Variants in PDXDC1 observed in about 807,000 individuals in gnomAD.
The protein encoded by PDXDC1 is pyridoxal dependent decarboxylase domain containing 1.
Under a neutral mutation model 100.1 loss-of-function variants are expected in PDXDC1, and 42 were observed. The ratio of observed to expected loss-of-function variants is 0.42; its 90% CI spans 0.33 to 0.54. The LOEUF is 0.54. Among genes scored for constraint, PDXDC1 ranks in the 20% least tolerant of loss-of-function variants. The pLI, the probability that PDXDC1 is intolerant of heterozygous loss-of-function variation, is 0.10. For synonymous variants in PDXDC1, 260 were observed against 371.7 expected (o/e 0.70, Z 3.46); for missense variants, 636 against 979.2 (o/e 0.65, Z 4.68).
chr16:15,086,932 G>T (rs1245010013), intron 16 of PDXDC1, among the ~76,000 whole-genome samples: 1 of 152,144 alleles, frequency 6.6e-6, no homozygotes, highest in Non-Finnish European at 1.5e-5. Flanking sequence ...ACCTGTGGCT[G>T]AGTTTAAATA....
At chr16:15,098,172 G>A (rs1345613786) in intron 16 of PDXDC1, among the ~76,000 whole-genome samples, 1 of 147,548 alleles carries the variant, frequency 6.8e-6, no homozygotes, top group Non-Finnish European at 1.5e-5. Flanking sequence ...TTTTAGGAAA[G>A]GAGAAAGGAA....
intron 16 of PDXDC1, among the ~76,000 whole-genome samples, chr16:15,085,177 A>G (rs1056236572): frequency 2.6e-5 from 4 of 152,398 alleles, no homozygotes; most frequent in African/African-American, 9.6e-5. Context: ...CACCAGCATC[A>G]ACGAAAATTA....
rs761656001 is a variant in PDXDC1, at chr16:15,131,086, C to T, written c.1400-7793C>T. On this transcript the variant is annotated intron_variant, in intron 16 of 16. Coordinates refer to the PDXDC1 transcript ENST00000535621. ...GCGTGTGCCTCACCCGCTGCACGCA[C>T]CGTCCAGCAGCGTATAGTTGAGCTG... The T allele has an allele frequency of 4.4e-6, 7 of 1,606,152 alleles. No individual in the cohort carries two copies. The East Asian group carries it at 1.3e-4, about 31-fold the overall frequency.
chr16:15,109,572 G>A (rs2046946785), intron 16 of PDXDC1, among the ~76,000 whole-genome samples: 2 of 133,240 alleles, frequency 1.5e-5, no homozygotes, highest in African/African-American at 2.8e-5. Flanking sequence ...GATAAGAATC[G>A]TTTGAACCTG....
At chr16:15,070,338 C>A (rs1363680022) in intron 16 of PDXDC1, 1 of 1,324,568 alleles carries the variant, frequency 7.5e-7, no homozygotes, top group Non-Finnish European at 1.0e-6. Context: ...CCTTTCATTA[C>A]AAACCATGCT....
At chr16:15,011,593 G>C (rs1424372788) in intron 8 of PDXDC1, among the ~76,000 whole-genome samples, 1 of 149,454 alleles carries the variant, frequency 6.7e-6, no homozygotes, top group African/African-American at 2.5e-5. Flanking sequence ...TGAAAGGCAA[G>C]TTACAGACTG....
At chr16:15,093,960 G>A (rs1381323602) in intron 16 of PDXDC1, 1 of 624,696 alleles carries the variant, frequency 1.6e-6, no homozygotes, top group Non-Finnish European at 2.9e-6. Flanking sequence ...ACTTTTCCAG[G>A]CCCCACCCAT....
chr16:15,074,833 G>A (rs1196611169), intron 16 of PDXDC1: 1 of 1,612,016 alleles, frequency 6.2e-7, no homozygotes, highest in Non-Finnish European at 8.5e-7. Context: ...ACCAGCCTTT[G>A]TTTCATGTTC....
At chr16:15,072,612 G>C (rs952000708) in intron 16 of PDXDC1, among the ~76,000 whole-genome samples, 2 of 152,064 alleles carry the variant, frequency 1.3e-5, no homozygotes, top group African/African-American at 4.8e-5. Flanking sequence ...AGACCAGTAT[G>C]GCCAACGTGG....
chr16:15,018,130 GT>G (rs1218264228), intron 11 of PDXDC1, among the ~76,000 whole-genome samples: 1 of 151,778 alleles, frequency 6.6e-6, no homozygotes, highest in Non-Finnish European at 1.5e-5. Flanking sequence ...GCCAGGCATG[GT>G]GGCTCATGCC....
chr16:15,079,989 A>G (rs2045630194), intron 16 of PDXDC1: 8 of 1,583,806 alleles, frequency 5.1e-6, no homozygotes, highest in South Asian at 1.2e-5. Flanking sequence ...TAGATTACTC[A>G]ATACTTACAT....
At chr16:15,074,415 A>C (rs571492132) in intron 16 of PDXDC1, among the ~76,000 whole-genome samples, 3 of 152,194 alleles carry the variant, frequency 2.0e-5, no homozygotes, top group African/African-American at 7.2e-5. Flanking sequence ...TGCACCCTAC[A>C]TCATTCTTCA....
intron 1 of PDXDC1, among the ~76,000 whole-genome samples, chr16:14,995,713 A>G (rs1163873161): frequency 9.8e-5 from 15 of 152,288 alleles, no homozygotes; most frequent in Admixed American, 6.5e-4. Context: ...TTCAGAAGGA[A>G]TGGTACCAGC....
At chr16:15,023,601 G>A (rs1331586854) in intron 13 of PDXDC1, among the ~76,000 whole-genome samples, 4 of 152,290 alleles carry the variant, frequency 2.6e-5, no homozygotes, top group African/African-American at 9.6e-5. Flanking sequence ...GGAGGTTGCA[G>A]TGAGCCGAGA....
chr16:15,070,062 A>G, intron 16 of PDXDC1: 1 of 1,490,306 alleles, frequency 6.7e-7, no homozygotes, highest in Non-Finnish European at 9.2e-7. Flanking sequence ...CACTCCCACA[A>G]CACTGACCTT....
At chr16:15,124,311 C>T (rs1383174299) in intron 16 of PDXDC1, among the ~76,000 whole-genome samples, 3 of 152,200 alleles carry the variant, frequency 2.0e-5, no homozygotes, top group African/African-American at 7.2e-5. Flanking sequence ...ACAGAGTGTG[C>T]CCAAACTCTC....
intron 16 of PDXDC1, among the ~76,000 whole-genome samples, chr16:15,059,794 T>A (rs186163954): frequency 9.9e-5 from 15 of 152,268 alleles, no homozygotes; most frequent in Non-Finnish European, 1.9e-4. Flanking sequence ...CTGCTTCCCT[T>A]GGACCTGCTC....
chr16:14,982,995 G>T (rs1394596061), intron 1 of PDXDC1, among the ~76,000 whole-genome samples: 1 of 152,278 alleles, frequency 6.6e-6, no homozygotes, highest in Non-Finnish European at 1.5e-5. Flanking sequence ...TATCTCAGCC[G>T]AAGGTAGGTA....
chr16:15,060,164 T>C, intron 16 of PDXDC1: 3 of 423,518 alleles, frequency 7.1e-6, no homozygotes, highest in South Asian at 5.4e-5. Context: ...AATGTCTTTC[T>C]ACATTAAAAC....
Sources: gnomAD v4.1 joint callset for allele counts (sites outside exome capture counted in the v4.1 genomes callset) on GRCh38, gnomAD v4.1.1 for gene constraint, MANE v1.5 for transcripts, NCBI Gene and HGNC (gene_info 2026-07-23, HGNC 2026-07-21) for gene names.